ADAM22: variants seen among roughly 807,000 people sequenced by gnomAD.
ADAM22 encodes the protein ADAM metallopeptidase domain 22.
Under a neutral mutation model 144.6 loss-of-function variants are expected in ADAM22, and 65 were observed. That is an observed-to-expected ratio of 0.45 (90% CI 0.37 to 0.55). The LOEUF is 0.55. Ranked by LOEUF, ADAM22 falls within the 20% of genes least tolerant of loss-of-function variation. The probability of loss-of-function intolerance (pLI) is 0.00; values close to 1 mark genes in which losing one functional copy is unlikely to be tolerated. For synonymous variants in ADAM22, 391 were observed against 412.6 expected, an observed-to-expected ratio of 0.95 and a Z score of 0.63; for missense variants, 974 against 1,184.9, an observed-to-expected ratio of 0.82 and a Z score of 2.61.
At chr7:87,958,157 A>G (rs1847222972) in intron 2 of ADAM22, among the ~76,000 whole-genome samples, 1 of 152,096 alleles carries the variant, frequency 6.6e-6, no homozygotes, top group Non-Finnish European at 1.5e-5. Context: ...AGTATATACC[A>G]TTTGACATAC....
intron 3 of ADAM22, among the ~76,000 whole-genome samples, chr7:88,048,168 A>C (rs929545997): frequency 6.6e-6 from 1 of 152,122 alleles, no homozygotes; most frequent in African/African-American, 2.4e-5. Flanking sequence ...TTATTTTATA[A>C]AAATTTTTAC....
chr7:87,995,996 C>T (rs993552142), intron 3 of ADAM22, among the ~76,000 whole-genome samples: 1 of 152,190 alleles, frequency 6.6e-6, no homozygotes, highest in African/African-American at 2.4e-5. Flanking sequence ...CCCTCTGTAA[C>T]TTTCTGTGAC....
intron 7 of ADAM22, among the ~76,000 whole-genome samples, chr7:88,122,404 G>A (rs558261021): frequency 5.9e-5 from 9 of 152,286 alleles, no homozygotes; most frequent in African/African-American, 2.2e-4. Context: ...CTCAGAGAGA[G>A]GGCATTACAA....
chr7:88,122,425 G>A (rs1183214613), intron 7 of ADAM22, among the ~76,000 whole-genome samples: 2 of 152,184 alleles, frequency 1.3e-5, no homozygotes, highest in Non-Finnish European at 2.9e-5. Flanking sequence ...AAGGGCGTGA[G>A]TACCAGGAGG....
Position 88,201,024 on chromosome 7 carries a change from T to C in ADAM22, c.*4533T>C, listed in dbSNP as rs1851166721. On this transcript the variant is annotated 3_prime_UTR_variant, in exon 32 of 32. Coordinates refer to ENST00000413139, the MANE Select transcript of ADAM22 (RefSeq NM_001324418.2). ...GCACATGCTCATAGCATATGCTCTG[T>C]GGGGGAGGTGCTTTTAATTCCAAGA... 1 of 152,224 alleles carries C rather than the reference T, an allele frequency of 6.6e-6. No homozygotes were observed. The highest frequency in any genetic ancestry group is 2.4e-5 in the African/African-American group (1 of 41,448). The allele number at this position is 152,224 out of a possible 1,614,324, so 9.4% of individuals were successfully genotyped here.
At chr7:88,139,854 T>C (rs1834094585) in intron 14 of ADAM22, among the ~76,000 whole-genome samples, 3 of 152,150 alleles carry the variant, frequency 2.0e-5, no homozygotes, top group Admixed American at 2.0e-4. Flanking sequence ...CTCAATCTGA[T>C]TGGATACTGG....
chr7:87,984,353 G>A (rs916882259), intron 3 of ADAM22, among the ~76,000 whole-genome samples: 1 of 152,144 alleles, frequency 6.6e-6, no homozygotes, highest in African/African-American at 2.4e-5. Flanking sequence ...GAACCCACAA[G>A]CCCAAACCTA....
chr7:87,969,420 C>A (rs1849909755), intron 2 of ADAM22, among the ~76,000 whole-genome samples: 1 of 152,148 alleles, frequency 6.6e-6, no homozygotes, highest in Non-Finnish European at 1.5e-5. Flanking sequence ...TACTGTTAGA[C>A]TTACACTCAT....
At chr7:88,039,244 C>T (rs1802354097) in intron 3 of ADAM22, among the ~76,000 whole-genome samples, 1 of 151,096 alleles carries the variant, frequency 6.6e-6, no homozygotes, top group Admixed American at 6.6e-5. Context: ...GAGATCGAGA[C>T]CATCCTGGCT....
chr7:88,082,209 C>G (rs1392476007), intron 4 of ADAM22, among the ~76,000 whole-genome samples: 1 of 152,138 alleles, frequency 6.6e-6, no homozygotes, highest in African/African-American at 2.4e-5. Flanking sequence ...TGATCTTTGA[C>G]AAACCTGAGA....
chr7:88,108,579 A>C (rs569310984), intron 5 of ADAM22, among the ~76,000 whole-genome samples: 3 of 152,216 alleles, frequency 2.0e-5, no homozygotes, highest in East Asian at 3.9e-4. Flanking sequence ...AAATACAAAA[A>C]TTAGCCGGGC....
At chr7:88,149,643 C>T (rs1415301377) in intron 18 of ADAM22, among the ~76,000 whole-genome samples, 1 of 152,118 alleles carries the variant, frequency 6.6e-6, no homozygotes, top group Non-Finnish European at 1.5e-5. Flanking sequence ...AATGACCATG[C>T]AAGCTGAGAC....
At chr7:87,935,262 C>T in intron 2 of ADAM22, 76 bp downstream of exon 2, 4 of 1,428,480 alleles carry the variant, frequency 2.8e-6, no homozygotes, top group Non-Finnish European at 3.7e-6. Flanking sequence ...GCTCGGTTGC[C>T]CTGGAGATCC....
intron 31 of ADAM22, among the ~76,000 whole-genome samples, chr7:88,194,789 G>A (rs1166660713): frequency 2.0e-5 from 3 of 152,044 alleles, no homozygotes; most frequent in African/African-American, 4.8e-5. Context: ...AGTTCAGATC[G>A]TCTTTGCTCC....
At chr7:87,948,781 G>A (rs533130437) in intron 2 of ADAM22, among the ~76,000 whole-genome samples, 23 of 152,244 alleles carry the variant, frequency 1.5e-4, no homozygotes, top group South Asian at 1.0e-3. Context: ...GGATTGGGGC[G>A]CCGATAACTT....
intron 3 of ADAM22, among the ~76,000 whole-genome samples, chr7:87,995,604 G>T (rs140794796): frequency 4.4e-4 from 67 of 152,248 alleles, no homozygotes; most frequent in Non-Finnish European, 8.1e-4. Flanking sequence ...CACATTCAAG[G>T]TTCTCACCCA....
At chr7:88,136,932 A>G (rs12704385) in intron 14 of ADAM22, among the ~76,000 whole-genome samples, 26,548 of 151,942 alleles carry the variant, frequency 0.17, 3,786 homozygotes, top group African/African-American at 0.39. Flanking sequence ...ATGAAGAATA[A>G]AACAGTGGAT....
At chr7:88,145,797 G>A (rs1836228567) in intron 17 of ADAM22, among the ~76,000 whole-genome samples, 2 of 152,102 alleles carry the variant, frequency 1.3e-5, no homozygotes, top group South Asian at 4.1e-4. Context: ...ATCTTCAGAG[G>A]CTGTCCTTTC....
intron 21 of ADAM22, among the ~76,000 whole-genome samples, chr7:88,153,983 T>C (rs1200788345): frequency 2.6e-5 from 4 of 152,196 alleles, no homozygotes; most frequent in Non-Finnish European, 5.9e-5. Context: ...GTTCACTGGT[T>C]CCACATGACT....
Sources: allele counts gnomAD v4.1 joint callset (sites outside exome capture counted in the v4.1 genomes callset), GRCh38; gene constraint gnomAD v4.1.1; transcripts MANE v1.5; gene names NCBI Gene and HGNC (gene_info 2026-07-23, HGNC 2026-07-21).